TAOK1: variants seen among roughly 807,000 people sequenced by gnomAD.
The protein encoded by TAOK1 is serine/threonine-protein kinase TAO1.
TAOK1 carries 21 observed loss-of-function variants against 138.3 expected under a neutral mutation model. The ratio of observed to expected loss-of-function variants is 0.15; its 90% CI spans 0.11 to 0.22. The LOEUF (loss-of-function observed/expected upper bound fraction) is 0.22, where lower values mean the gene tolerates loss of function less well. Among genes scored for constraint, TAOK1 ranks in the 10% least tolerant of loss-of-function variants. The probability of loss-of-function intolerance (pLI) is 1.00; values close to 1 mark genes in which losing one functional copy is unlikely to be tolerated. For synonymous variants in TAOK1, 361 were observed against 398.4 expected (o/e 0.91, Z 1.12); for missense variants, 651 against 1,227.7 (o/e 0.53, Z 7.02).
chr17:29,406,084 G>A (rs537406278), intron 1 of TAOK1, among the ~76,000 whole-genome samples: 20 of 152,252 alleles, frequency 1.3e-4, no homozygotes, highest in African/African-American at 4.6e-4. Flanking sequence ...TTTCCCAACC[G>A]TGGTAGTATT....
chr17:29,410,354 G>A (rs1320626605), intron 1 of TAOK1, among the ~76,000 whole-genome samples: 5 of 152,174 alleles, frequency 3.3e-5, no homozygotes, highest in Middle Eastern at 3.4e-3. Flanking sequence ...AGGTTCAAGC[G>A]ATTCTCCTTC....
chr17:29,519,540 G>GA (rs1045768019), intron 16 of TAOK1, among the ~76,000 whole-genome samples: 2 of 151,436 alleles, frequency 1.3e-5, no homozygotes, highest in African/African-American at 4.9e-5. Context: ...GAAAAGAAAA[G>GA]AAAAAAATTA....
At chr17:29,479,004 A>G (rs2031002753) in intron 6 of TAOK1, among the ~76,000 whole-genome samples, 1 of 152,134 alleles carries the variant, frequency 6.6e-6, no homozygotes, top group Non-Finnish European at 1.5e-5. Flanking sequence ...AGGCATCTAT[A>G]ATCCCAGCTA....
intron 1 of TAOK1, among the ~76,000 whole-genome samples, chr17:29,441,355 T>C (rs1330656606): frequency 1.3e-5 from 2 of 152,202 alleles, no homozygotes; most frequent in Non-Finnish European, 2.9e-5. Flanking sequence ...AAAAAAATTG[T>C]AGAAGTCATG....
At chr17:29,466,507 T>C (rs1014920263) in intron 2 of TAOK1, among the ~76,000 whole-genome samples, 19 of 151,234 alleles carry the variant, frequency 1.3e-4, no homozygotes, top group African/African-American at 4.2e-4. Context: ...GGTTTGCTAA[T>C]TTTAGAGTTT....
chr17:29,470,101 A>G (rs945490461), intron 3 of TAOK1, among the ~76,000 whole-genome samples: 1 of 152,186 alleles, frequency 6.6e-6, no homozygotes, highest in Non-Finnish European at 1.5e-5. Context: ...GAGCAAAAAC[A>G]GATTTCTAGT....
At chr17:29,527,242 G>C (rs879918320) in intron 17 of TAOK1, among the ~76,000 whole-genome samples, 4 of 152,070 alleles carry the variant, frequency 2.6e-5, no homozygotes, top group Non-Finnish European at 5.9e-5. Context: ...GGTGAGCCAT[G>C]ATCATGCCAC....
chr17:29,488,985 T>C (rs750529481), intron 8 of TAOK1, among the ~76,000 whole-genome samples: 1 of 152,198 alleles, frequency 6.6e-6, no homozygotes, highest in Admixed American at 6.5e-5. Context: ...TACTCAAAGC[T>C]CATTATTGCT....
At chr17:29,459,706 C>T (rs1176419490) in intron 2 of TAOK1, among the ~76,000 whole-genome samples, 3 of 152,196 alleles carry the variant, frequency 2.0e-5, no homozygotes, top group Admixed American at 1.3e-4. Context: ...CTGCAATAAA[C>T]ATGAGAGTGC....
intron 1 of TAOK1, among the ~76,000 whole-genome samples, chr17:29,444,126 G>A (rs993878673): frequency 3.5e-5 from 5 of 144,454 alleles, no homozygotes; most frequent in Non-Finnish European, 7.6e-5. Flanking sequence ...AAAAAAAAAA[G>A]GCCTGATCTA....
In TAOK1 at chr17:29,551,897, G is replaced by A. The variant is rs1288758573; in HGVS notation, c.*8875G>A. On this transcript the variant is annotated 3_prime_UTR_variant, in exon 20 of 20. Transcript: ENST00000261716. ...AATCAACTGTAATAAAGTAATTTTA[G>A]TACACAGTGTCTGTCCAGTTTTTTT... The A allele has an allele frequency of 2.6e-5, 4 of 152,372 alleles. No individual in the cohort carries two copies. The highest frequency in any genetic ancestry group is 4.8e-5 in the African/African-American group (2 of 41,414). The allele number at this position is 152,372 out of a possible 1,614,324, so 9.4% of individuals were successfully genotyped here.
At position 29,502,641 on chromosome 17, in the gene TAOK1, C is replaced by T. The variant is rs1365569773; in HGVS notation, c.1256C>T (p.Pro419Leu). ...GATCCTAGAACAAGAGCATCAGATC[C>T]ACAATCTCCACCCCAAGTATCTCGT... The part of the protein sequence containing the change: ...EGDPRTRASD[P>L]QSPPQVSRHK... The change falls in exon 13 of 20, where the codon CCA (proline) becomes CTA (leucine). Residue 419 changes from proline (P) to leucine (L), a missense_variant. Physicochemically the swap from Pro to Leu is moderately conservative, Grantham distance 98. Coordinates refer to ENST00000261716, the MANE Select transcript of TAOK1 (RefSeq NM_020791.4). 1 of 1,613,716 alleles carries T rather than the reference C, an allele frequency of 6.2e-7. No homozygotes were observed. The highest frequency in any genetic ancestry group is 2.2e-5 in the East Asian group (1 of 44,864).
intron 6 of TAOK1, among the ~76,000 whole-genome samples, chr17:29,479,908 A>G (rs2031025468): frequency 6.6e-6 from 1 of 152,122 alleles, no homozygotes; most frequent in African/African-American, 2.4e-5. Flanking sequence ...TGATACGAAT[A>G]CATCTTTATG....
At chr17:29,541,918 A>G (rs1396169566) in intron 19 of TAOK1, among the ~76,000 whole-genome samples, 1 of 151,608 alleles carries the variant, frequency 6.6e-6, no homozygotes, top group Non-Finnish European at 1.5e-5. Flanking sequence ...TCTGTCGCCC[A>G]GGCTGGAGTG....
rs906367387 is a variant in TAOK1, at chr17:29,436,290, C to T, written c.-94-15165C>T. Among the ~76,000 whole-genome samples, 8 of 152,044 alleles carry T rather than the reference C, an allele frequency of 5.3e-5. No individual in the cohort carries two copies. The South Asian group carries it at 6.2e-4, about 12-fold the overall frequency. On this transcript the variant is annotated intron_variant, in intron 1 of 19. Coordinates refer to ENST00000261716, the MANE Select transcript of TAOK1 (RefSeq NM_020791.4). ...TATACCTTACTCAATTATTAAAGGC[C>T]GTAAATAGTTCAAAATGAGTTTCCT...
At chr17:29,505,907 C>A (rs914061522) in intron 13 of TAOK1, among the ~76,000 whole-genome samples, 1 of 152,086 alleles carries the variant, frequency 6.6e-6, no homozygotes, top group African/African-American at 2.4e-5. Context: ...TGTACTCCAG[C>A]GTGGGCAACC....
chr17:29,458,978 C>G (rs2030465900), intron 2 of TAOK1, among the ~76,000 whole-genome samples: 1 of 152,106 alleles, frequency 6.6e-6, no homozygotes, highest in South Asian at 2.1e-4. Context: ...CCTTGGCCTC[C>G]CAACGTGCTG....
At chr17:29,406,782 G>A (rs1160485288) in intron 1 of TAOK1, among the ~76,000 whole-genome samples, 3 of 152,098 alleles carry the variant, frequency 2.0e-5, no homozygotes, top group Non-Finnish European at 4.4e-5. Context: ...TGCCTAGGCT[G>A]GTCTTGAACT....
intron 1 of TAOK1, among the ~76,000 whole-genome samples, chr17:29,406,367 AAAATAAAAGTAC>A (rs2153020531): frequency 6.6e-6 from 1 of 152,170 alleles, no homozygotes; most frequent in Non-Finnish European, 1.5e-5. Flanking sequence ...TCTTGAAAAA[AAAATAAAAGTAC>A]AAAGGGTATT....
Sources: allele counts gnomAD v4.1 joint callset (sites outside exome capture counted in the v4.1 genomes callset), GRCh38; gene constraint gnomAD v4.1.1; transcripts MANE v1.5; gene names NCBI Gene and HGNC (gene_info 2026-07-23, HGNC 2026-07-21).